The following XPNPEP1 variants were observed in gnomAD, a reference collection of about 807,000 sequenced individuals.
XPNPEP1 encodes xaa-Pro aminopeptidase 1.
In XPNPEP1, 39 loss-of-function variants were observed where a neutral mutation model predicts 92.4. The observed-to-expected ratio is 0.42, with a 90% confidence interval of 0.33 to 0.55. The LOEUF (loss-of-function observed/expected upper bound fraction) is 0.55, where lower values mean the gene tolerates loss of function less well. Ranked by LOEUF, XPNPEP1 falls within the 20% of genes least tolerant of loss-of-function variation. XPNPEP1 has a pLI of 0.08. For missense variants in XPNPEP1, 654 were observed against 856.1 expected (o/e 0.76, Z 2.95); for synonymous variants, 307 against 299.4 (o/e 1.03, Z -0.26).
At chr10:109,890,593 T>TGTGA (rs1445814052) in intron 5 of XPNPEP1, among the ~76,000 whole-genome samples, 1 of 104,064 alleles carries the variant, frequency 9.6e-6, no homozygotes, top group Non-Finnish European at 1.9e-5. Context: ...TGTGTGTGTG[T>TGTGA]GAGAGAGAGA....
chr10:109,868,765 G>T, intron 19 of XPNPEP1, 53 bp from the exon 20 acceptor site: 1 of 1,522,462 alleles, frequency 6.6e-7, no homozygotes, highest in Non-Finnish European at 9.1e-7. Flanking sequence ...CTATGCTGAA[G>T]CACCATGAGG....
At chr10:109,901,482 A>G (rs1015524606) in intron 3 of XPNPEP1, among the ~76,000 whole-genome samples, 2 of 152,134 alleles carry the variant, frequency 1.3e-5, no homozygotes, top group South Asian at 2.1e-4. Flanking sequence ...CTACCTGTTC[A>G]CGTTCCAATT....
chr10:109,912,634 T>C (rs1019040604), intron 2 of XPNPEP1, among the ~76,000 whole-genome samples: 2 of 152,222 alleles, frequency 1.3e-5, no homozygotes, highest in African/African-American at 2.4e-5. Context: ...CCCTCATAAT[T>C]TGTATAAGGA....
intron 5 of XPNPEP1, chr10:109,891,182 T>C (rs1195764019): frequency 3.3e-5 from 5 of 152,356 alleles, no homozygotes; most frequent in Admixed American, 2.0e-4. Context: ...CCACTTTATA[T>C]GTTACTTACT....
At chr10:109,914,447 C>T (rs1426067359) in intron 2 of XPNPEP1, among the ~76,000 whole-genome samples, 3 of 151,396 alleles carry the variant, frequency 2.0e-5, no homozygotes, top group Non-Finnish European at 2.9e-5. Flanking sequence ...AAATGGAAAA[C>T]GAAAAAAACA....
chr10:109,905,872 A>C (rs1258899977), intron 3 of XPNPEP1, among the ~76,000 whole-genome samples: 1 of 152,198 alleles, frequency 6.6e-6, no homozygotes, highest in Middle Eastern at 3.2e-3. Context: ...AAGTATCCTA[A>C]ACTTCATACT....
At chr10:109,914,475 T>A (rs1159656850) in intron 2 of XPNPEP1, among the ~76,000 whole-genome samples, 1 of 151,818 alleles carries the variant, frequency 6.6e-6, no homozygotes, top group African/African-American at 2.4e-5. Flanking sequence ...AAAAAAAAGT[T>A]GTAATTCTCT....
At chr10:109,873,715 G>T in intron 15 of XPNPEP1, 1 of 431,798 alleles carries the variant, frequency 2.3e-6, no homozygotes, top group East Asian at 4.0e-5. Context: ...ATAGCCAGAA[G>T]ATGGAAACAG....
At chr10:109,913,229 T>C (rs1215572719) in intron 2 of XPNPEP1, among the ~76,000 whole-genome samples, 1 of 152,236 alleles carries the variant, frequency 6.6e-6, no homozygotes, top group African/African-American at 2.4e-5. Flanking sequence ...TTTTCACTGA[T>C]TGTACATGAA....
At position 109,882,642 on chromosome 10, in the gene XPNPEP1, C is replaced by A. The variant is rs780826757; in HGVS notation, c.831G>T (p.Met277Ile). The change falls in exon 10 of 21, where the codon ATG becomes ATT. Residue 277 changes from methionine (M) to isoleucine (I), a missense_variant and splice_region_variant. Met to Ile is a conservative substitution (Grantham distance 10). Coordinates refer to ENST00000502935, the MANE Select transcript of XPNPEP1 (RefSeq NM_020383.4). ...CTATGCGGTCACCATCAATGAAGAGCCTGCAGATGGAGGAGAGGTGGGTGG... is the reference window on the plus strand; with the variant it reads ...CTATGCGGTCACCATCAATGAAGAGACTGCAGATGGAGGAGAGGTGGGTGG... Reference protein sequence around the residue: ...SYAIIGLETIMLFIDGDRIDA... With the variant: ...SYAIIGLETIILFIDGDRIDA... The A allele has an allele frequency of 1.2e-5, 20 of 1,614,064 alleles. No individual in the cohort carries two copies. The highest frequency in any genetic ancestry group is 1.7e-5 in the Non-Finnish European group (20 of 1,179,930).
intron 3 of XPNPEP1, among the ~76,000 whole-genome samples, chr10:109,903,009 G>C (rs1409884559): frequency 2.6e-5 from 4 of 152,048 alleles, no homozygotes; most frequent in Non-Finnish European, 5.9e-5. Context: ...TATCAGTCAG[G>C]GTGTCCAAAA....
At chr10:109,882,717 C>T in intron 9 of XPNPEP1, 75 bp from the exon 10 acceptor site, 2 of 1,491,144 alleles carry the variant, frequency 1.3e-6, no homozygotes, top group Non-Finnish European at 1.9e-6. Context: ...GACACACATA[C>T]ACATCAGGCT....
intron 10 of XPNPEP1, among the ~76,000 whole-genome samples, chr10:109,881,521 G>GCTCT (rs1362825582): frequency 1.3e-5 from 2 of 152,228 alleles, no homozygotes; most frequent in Non-Finnish European, 2.9e-5. Flanking sequence ...TTGCTTTTGT[G>GCTCT]ATCTTATCTC....
chr10:109,886,761 CA>C (rs1212854100), intron 7 of XPNPEP1, among the ~76,000 whole-genome samples: 1 of 152,214 alleles, frequency 6.6e-6, no homozygotes, highest in East Asian at 1.9e-4. Context: ...AGGGGACACA[CA>C]GGGACCTATA....
At chr10:109,887,778 TA>T (rs1463726596) in intron 7 of XPNPEP1, among the ~76,000 whole-genome samples, 2 of 152,140 alleles carry the variant, frequency 1.3e-5, no homozygotes, top group African/African-American at 4.8e-5. Context: ...GCTGAGTGGA[TA>T]AAAAAAACTC....
At chr10:109,870,989 CA>C (rs1249306157) in intron 17 of XPNPEP1, 85 bp from the exon 18 acceptor site, 1 of 1,472,926 alleles carries the variant, frequency 6.8e-7, no homozygotes, top group African/African-American at 1.4e-5. Context: ...GAACGTGAAA[CA>C]GAAACCAATA....
intron 3 of XPNPEP1, 39 bp downstream of exon 3, chr10:109,907,652 A>G: frequency 3.1e-6 from 5 of 1,612,832 alleles, no homozygotes; most frequent in Non-Finnish European, 4.2e-6. Context: ...TGGGGAAAAA[A>G]GACTGAAAAG....
chr10:109,873,252 C>A, intron 16 of XPNPEP1, 115 bp downstream of exon 16: 1 of 1,224,194 alleles, frequency 8.2e-7, no homozygotes, highest in South Asian at 1.3e-5. Context: ...CAGCAAGGAG[C>A]AATTTTACTA....
In XPNPEP1 at chr10:109,864,995, A is replaced by G. The variant is rs1315939822; in HGVS notation, c.*189T>C. The stretch of plus-strand genomic sequence containing the variant: ...CTTGGCTTGTTCTCAACAATTAAAA[A>G]ATCATAAAAGACTGAGTGTTTGCAA... On this transcript the variant is annotated 3_prime_UTR_variant, in exon 21 of 21. Transcript: ENST00000502935. 1.2e-6 allele frequency: 1 copy of G among 862,818 alleles called. No individual in the cohort carries two copies. Among genetic ancestry groups the G allele is most frequent in the African/African-American group, 1.7e-5 (1 of 58,646 alleles). 53.4% of individuals were successfully genotyped at this position (862,818 alleles called of 1,614,324 possible). A position where few individuals can be genotyped will look rare whatever the true frequency, so the allele number is the denominator to read the frequency against.
Sources: gnomAD v4.1 joint callset for allele counts (sites outside exome capture counted in the v4.1 genomes callset) on GRCh38, gnomAD v4.1.1 for gene constraint, MANE v1.5 for transcripts, NCBI Gene and HGNC (gene_info 2026-07-23, HGNC 2026-07-21) for gene names.